Variants in PLCB4 observed in about 807,000 individuals in gnomAD.
PLCB4 encodes phospholipase C beta 4, also known as 1-phosphatidylinositol 4,5-bisphosphate phosphodiesterase beta-4.
A neutral mutation model predicts 178.8 loss-of-function variants in PLCB4; 77 were observed. The observed-to-expected ratio is 0.43, with a 90% confidence interval of 0.36 to 0.52. PLCB4 has a LOEUF of 0.52. Ranked by LOEUF, PLCB4 falls within the 20% of genes least tolerant of loss-of-function variation. PLCB4 has a pLI of 0.00. For missense variants in PLCB4, 1,024 were observed against 1,453.4 expected, an observed-to-expected ratio of 0.70 and a Z score of 4.80; for synonymous variants, 496 against 490.8, an observed-to-expected ratio of 1.01 and a Z score of -0.14.
At chr20:9,179,675 G>A (rs2093213942) in intron 2 of PLCB4, among the ~76,000 whole-genome samples, 1 of 152,174 alleles carries the variant, frequency 6.6e-6, no homozygotes, top group East Asian at 1.9e-4. Flanking sequence ...TATGCCAAAG[G>A]TTGGCAGTCT....
intron 17 of PLCB4, 147 bp from the exon 18 acceptor site, chr20:9,393,441 G>A (rs141461895): frequency 1.7e-6 from 1 of 590,570 alleles, no homozygotes; most frequent in Non-Finnish European, 3.0e-6. Context: ...ATTTGGGTTG[G>A]GGAGTGAAAA....
intron 7 of PLCB4, among the ~76,000 whole-genome samples, chr20:9,342,418 C>A (rs1057328768): frequency 2.6e-5 from 4 of 152,070 alleles, no homozygotes; most frequent in Admixed American, 1.3e-4. Flanking sequence ...ATCAGGGGGC[C>A]ATGAAATATA....
At chr20:9,338,206 G>A (rs1052307598) in intron 6 of PLCB4, 139 bp downstream of exon 6, 2 of 638,786 alleles carry the variant, frequency 3.1e-6, no homozygotes, top group Non-Finnish European at 5.8e-6. Flanking sequence ...AATAGCATGT[G>A]GTTGCTGGTT....
intron 32 of PLCB4, among the ~76,000 whole-genome samples, chr20:9,451,679 C>T (rs1161812933): frequency 6.6e-6 from 1 of 152,202 alleles, no homozygotes; most frequent in Non-Finnish European, 1.5e-5. Context: ...ATATCCCTAT[C>T]TCAAGTCACT....
intron 2 of PLCB4, among the ~76,000 whole-genome samples, chr20:9,145,314 T>C (rs2092577417): frequency 6.6e-6 from 1 of 152,122 alleles, no homozygotes; most frequent in South Asian, 2.1e-4. Flanking sequence ...TGAGTTAAAA[T>C]GTTTTTCTCT....
chr20:9,389,864 T>TA lies in PLCB4; in HGVS notation c.1159-15_1159-14insA. ...TGCTCTTTTCTCTCATTAACGTTTT[T>TA]TTTTGTTTTTAAAGGATGTAATTCA... On this transcript the variant is annotated splice_polypyrimidine_tract_variant and intron_variant, in intron 15 of 39. Coordinates refer to ENST00000378473, the MANE Select transcript of PLCB4 (RefSeq NM_001377142.1). The TA allele has an allele frequency of 8.2e-6, 12 of 1,466,914 alleles. No individual in the cohort carries two copies. Among genetic ancestry groups the TA allele is most frequent in the Non-Finnish European group, 1.1e-5 (12 of 1,058,690 alleles). 90.9% of individuals were successfully genotyped at this position (1,466,914 alleles called of 1,614,324 possible).
intron 20 of PLCB4, 74 bp downstream of exon 20, chr20:9,401,664 C>A (rs1286687916): frequency 9.3e-6 from 9 of 965,822 alleles, no homozygotes; most frequent in Non-Finnish European, 1.5e-5. Context: ...AATGTGAGAA[C>A]CACAAGAGAA....
chr20:9,203,056 A>AAAAAAAATATAT (rs769628056), intron 2 of PLCB4, among the ~76,000 whole-genome samples: 1 of 126,148 alleles, frequency 7.9e-6, no homozygotes, highest in African/African-American at 3.3e-5. Flanking sequence ...AAAAAAAAAA[A>AAAAAAAATATAT]ATATATATAT....
chr20:9,448,344 G>T (rs2042542332), intron 32 of PLCB4, among the ~76,000 whole-genome samples: 1 of 152,098 alleles, frequency 6.6e-6, no homozygotes, highest in South Asian at 2.1e-4. Context: ...AAAGCCTTAT[G>T]TCATAAAATG....
chr20:9,477,414 G>A (rs964300412), intron 39 of PLCB4, among the ~76,000 whole-genome samples: 2 of 152,314 alleles, frequency 1.3e-5, no homozygotes, highest in East Asian at 3.9e-4. Context: ...TTAGCTGTTG[G>A]AATAGTCTTG....
intron 4 of PLCB4, among the ~76,000 whole-genome samples, chr20:9,329,674 G>A (rs2031338346): frequency 6.6e-6 from 1 of 152,198 alleles, no homozygotes; most frequent in Non-Finnish European, 1.5e-5. Context: ...GAATGCAGGA[G>A]CTACACATGC....
At chr20:9,071,066 C>T (rs1342952201) in intron 1 of PLCB4, among the ~76,000 whole-genome samples, 2 of 152,152 alleles carry the variant, frequency 1.3e-5, no homozygotes, top group African/African-American at 4.8e-5. Flanking sequence ...AAACTGCTTA[C>T]ATGTCCTGGA....
At chr20:9,453,533 CT>C in intron 33 of PLCB4, 71 bp downstream of exon 33, 1 of 846,948 alleles carries the variant, frequency 1.2e-6, no homozygotes, top group Non-Finnish European at 1.9e-6. Context: ...AGTTTTGCTG[CT>C]GTTTAGGTCA....
At chr20:9,105,337 G>T (rs1413859131) in intron 2 of PLCB4, among the ~76,000 whole-genome samples, 1 of 152,094 alleles carries the variant, frequency 6.6e-6, no homozygotes, top group East Asian at 1.9e-4. Context: ...GACATAAAAT[G>T]AGTTTCATAT....
intron 9 of PLCB4, among the ~76,000 whole-genome samples, chr20:9,370,181 T>C (rs1260330728): frequency 6.6e-6 from 1 of 152,220 alleles, no homozygotes; most frequent in African/African-American, 2.4e-5. Context: ...AGGTGTTATC[T>C]ATTCTACTAG....
In PLCB4 at chr20:9,408,673, A is replaced by C. The variant is rs749714394; in HGVS notation, c.1830A>C (p.Ser610=). The C allele has an allele frequency of 4.4e-6, 7 of 1,592,620 alleles. No homozygotes were observed. In the Middle Eastern group the frequency reaches 5.0e-4, roughly 113 times the overall value. The change falls in exon 23 of 40, where the codon TCA becomes TCC. Residue 610 remains serine, a synonymous_variant. Coordinates refer to ENST00000378473, the MANE Select transcript of PLCB4 (RefSeq NM_001377142.1). The stretch of plus-strand genomic sequence containing the variant: ...ATAACATGTCTTCTTTTAATGAATC[A>C]GTCGGTCTTGGCTACTTGAAGACAC... The part of the protein sequence containing the change: ...IHYNMSSFNE[S]VGLGYLKTHA...
At chr20:9,126,771 CTTT>C (rs34634088) in intron 2 of PLCB4, among the ~76,000 whole-genome samples, 8 of 119,696 alleles carry the variant, frequency 6.7e-5, no homozygotes, top group Admixed American at 1.7e-4. Context: ...ATTTCATTTG[CTTT>C]TTTTTTTTTT....
rs2146685675 is a variant in PLCB4 at position 9,110,277 on chromosome 20, A to G, written c.-79+13935A>G. 1.3e-5 allele frequency among the ~76,000 whole-genome samples: 2 copies of G among 152,264 alleles called. 1 individual carries two copies. Among genetic ancestry groups the G allele is most frequent in the South Asian group, 4.1e-4 (2 of 4,820 alleles). On this transcript the variant is annotated intron_variant, in intron 2 of 39. Transcript: ENST00000378473. Reference sequence around the variant, plus strand: ...AATATATTTTTGATGGAAAATAACAACTTACACTGATTAGCATTTATTTCA... The same window carrying G: ...AATATATTTTTGATGGAAAATAACAGCTTACACTGATTAGCATTTATTTCA...
chr20:9,153,474 T>C (rs781005679), intron 2 of PLCB4, among the ~76,000 whole-genome samples: 1 of 152,176 alleles, frequency 6.6e-6, no homozygotes, highest in South Asian at 2.1e-4. Flanking sequence ...CTCTTGCTTC[T>C]TCCTCATTTT....
Sources: gnomAD v4.1 joint callset for allele counts (sites outside exome capture counted in the v4.1 genomes callset) on GRCh38, gnomAD v4.1.1 for gene constraint, MANE v1.5 for transcripts, NCBI Gene and HGNC (gene_info 2026-07-23, HGNC 2026-07-21) for gene names.